SLC12A8: variants seen among roughly 807,000 people sequenced by gnomAD.
The protein encoded by SLC12A8 is cation-chloride cotransporter 9.
Under a neutral mutation model 75.6 loss-of-function variants are expected in SLC12A8, and 69 were observed. The observed-to-expected ratio is 0.91, with a 90% CI of 0.75 to 1.11. SLC12A8 has a LOEUF of 1.11. SLC12A8 is among the 50% of genes most tolerant of loss of function. SLC12A8 has a pLI of 0.00. For synonymous variants in SLC12A8, 365 were observed against 372.8 expected (o/e 0.98, Z 0.24); for missense variants, 877 against 896.7 (o/e 0.98, Z 0.28).
At chr3:125,097,506 A>G (rs567671349) in intron 10 of SLC12A8, among the ~76,000 whole-genome samples, 3 of 150,446 alleles carry the variant, frequency 2.0e-5, no homozygotes, top group East Asian at 1.9e-4. Flanking sequence ...CACAACCTCA[A>G]TTTTACTGAA....
intron 12 of SLC12A8, 106 bp downstream of exon 12, chr3:125,091,333 A>T (rs1579461188): frequency 1.2e-5 from 9 of 738,134 alleles, no homozygotes; most frequent in Non-Finnish European, 2.2e-5. Flanking sequence ...AATGGGATTC[A>T]CATCTGAATC....
intron 5 of SLC12A8, among the ~76,000 whole-genome samples, chr3:125,139,916 G>C (rs12629105): frequency 6.6e-6 from 1 of 152,162 alleles, no homozygotes; most frequent in Non-Finnish European, 1.5e-5. Context: ...CCATTTTGGG[G>C]AAGGGCAGAT....
intron 2 of SLC12A8, among the ~76,000 whole-genome samples, chr3:125,199,221 G>T (rs1342625192): frequency 2.0e-5 from 3 of 152,068 alleles, no homozygotes; most frequent in Admixed American, 6.5e-5. Flanking sequence ...TTTTTATATG[G>T]TTTAGAGAAA....
At chr3:125,181,970 T>A (rs565667667) in intron 4 of SLC12A8, among the ~76,000 whole-genome samples, 2 of 152,228 alleles carry the variant, frequency 1.3e-5, no homozygotes, top group Non-Finnish European at 2.9e-5. Context: ...GAGGATCACT[T>A]GAGTCCAGGA....
intron 5 of SLC12A8, among the ~76,000 whole-genome samples, chr3:125,145,922 C>T (rs2333044): frequency 2.4e-4 from 37 of 152,138 alleles, no homozygotes; most frequent in African/African-American, 7.9e-4. Context: ...CCACCTCCCA[C>T]GGCTCAAGTG....
intron 8 of SLC12A8, among the ~76,000 whole-genome samples, chr3:125,114,728 G>C (rs1240834862): frequency 1.3e-5 from 2 of 152,100 alleles, no homozygotes; most frequent in Non-Finnish European, 2.9e-5. Flanking sequence ...AGATTCCCTA[G>C]TCTTAACAAT....
intron 4 of SLC12A8, among the ~76,000 whole-genome samples, chr3:125,179,733 A>AGAGAGAGAG (rs1560077720): frequency 5.9e-5 from 8 of 135,084 alleles, no homozygotes; most frequent in African/African-American, 2.4e-4. Flanking sequence ...GAGAGAGAGA[A>AGAGAGAGAG]AGAGAAAGAC....
intron 2 of SLC12A8, among the ~76,000 whole-genome samples, chr3:125,209,162 C>T (rs1935289033): frequency 1.3e-5 from 2 of 152,196 alleles, no homozygotes; most frequent in African/African-American, 4.8e-5. Flanking sequence ...ATTTTAGCCA[C>T]CTAACTTACT....
chr3:125,187,383 TGACGAAGGACACCAGGAA>T lies in SLC12A8; in HGVS notation c.226_243del (p.Phe76_Val81del), dbSNP rs1427668523. The stretch of plus-strand genomic sequence containing the variant: ...AGCACCGTGACGAGGGCCACCAGGA[TGACGAAGGACACCAGGAA>T]CATGCCCAGGAGCACTCCTGTGTTT... On this transcript the variant is annotated inframe_deletion, in exon 4 of 14. Transcript: ENST00000469902. 6.2e-7 allele frequency: 1 copy of T among 1,613,954 alleles called. No homozygotes were observed. The highest frequency in any genetic ancestry group is 1.7e-5 in the Admixed American group (1 of 59,986).
At chr3:125,192,224 C>G (rs1478901573) in intron 2 of SLC12A8, among the ~76,000 whole-genome samples, 1 of 152,124 alleles carries the variant, frequency 6.6e-6, no homozygotes, top group East Asian at 1.9e-4. Context: ...TCCACAGGAG[C>G]TCTCTGCTCT....
At chr3:125,164,968 C>A (rs1934254577) in intron 5 of SLC12A8, among the ~76,000 whole-genome samples, 1 of 152,224 alleles carries the variant, frequency 6.6e-6, no homozygotes, top group Non-Finnish European at 1.5e-5. Flanking sequence ...CTGGGGCCCC[C>A]ACTTAAACCG....
intron 6 of SLC12A8, among the ~76,000 whole-genome samples, chr3:125,124,578 C>T (rs532513458): frequency 1.6e-4 from 25 of 152,278 alleles, no homozygotes; most frequent in African/African-American, 5.3e-4. Flanking sequence ...CTGACTGCCT[C>T]GGCCTCCAAA....
intron 6 of SLC12A8, among the ~76,000 whole-genome samples, chr3:125,134,760 G>A (rs146438774): frequency 9.2e-5 from 14 of 152,290 alleles, no homozygotes; most frequent in Admixed American, 5.9e-4. Flanking sequence ...CACTCTAGTA[G>A]CTTCTCCTTC....
chr3:125,191,567 T>C (rs771208007), intron 2 of SLC12A8, among the ~76,000 whole-genome samples: 31 of 152,118 alleles, frequency 2.0e-4, no homozygotes, highest in Non-Finnish European at 4.0e-4. Context: ...GCAAATGTTA[T>C]CCATAAACAC....
chr3:125,167,614 T>C (rs1179483171), intron 5 of SLC12A8, among the ~76,000 whole-genome samples: 1 of 152,204 alleles, frequency 6.6e-6, no homozygotes, highest in Non-Finnish European at 1.5e-5. Context: ...ATGATTTTCA[T>C]CCTTGTTTTT....
chr3:125,098,864 T>C (rs1055451520), intron 10 of SLC12A8, among the ~76,000 whole-genome samples: 1 of 151,810 alleles, frequency 6.6e-6, no homozygotes, highest in Non-Finnish European at 1.5e-5. Context: ...ATAAGCACAG[T>C]AGAAAAATGA....
chr3:125,176,108 A>G (rs1934521483), intron 5 of SLC12A8, among the ~76,000 whole-genome samples: 2 of 152,212 alleles, frequency 1.3e-5, no homozygotes, highest in African/African-American at 4.8e-5. Context: ...GTAGGTGCAC[A>G]TCCGGGCTGG....
intron 8 of SLC12A8, among the ~76,000 whole-genome samples, chr3:125,115,752 C>T (rs970175481): frequency 1.3e-5 from 2 of 151,794 alleles, no homozygotes; most frequent in Non-Finnish European, 2.9e-5. Flanking sequence ...TTGGGAGCTG[C>T]TTGTGAACGA....
At chr3:125,212,388 C>G (rs990454767) in intron 1 of SLC12A8, among the ~76,000 whole-genome samples, 2 of 152,026 alleles carry the variant, frequency 1.3e-5, no homozygotes, top group East Asian at 3.9e-4. Flanking sequence ...TCCCGCCGCC[C>G]CGCGGCCTCC....
Sources: allele counts gnomAD v4.1 joint callset (sites outside exome capture counted in the v4.1 genomes callset), GRCh38; gene constraint gnomAD v4.1.1; transcripts MANE v1.5; gene names NCBI Gene and HGNC (gene_info 2026-07-23, HGNC 2026-07-21).